Variants in EYS observed in about 807,000 individuals in gnomAD.
The protein encoded by EYS is protein eyes shut homolog.
Under a neutral mutation model 282.1 loss-of-function variants are expected in EYS, and 250 were observed. That is an observed-to-expected ratio of 0.89 (90% CI 0.80 to 0.98). EYS has a LOEUF of 0.98. Ranked by LOEUF, EYS falls within the 50% of genes least tolerant of loss-of-function variation. EYS has a pLI of 0.00. For synonymous variants in EYS, 1,355 were observed against 1,282.9 expected, an observed-to-expected ratio of 1.06 and a Z score of -1.20; for missense variants, 4,016 against 3,709.0, an observed-to-expected ratio of 1.08 and a Z score of -2.15.
intron 33 of EYS, among the ~76,000 whole-genome samples, chr6:64,059,129 C>CA (rs1771079739): frequency 6.6e-6 from 1 of 152,146 alleles, no homozygotes; most frequent in African/African-American, 2.4e-5. Flanking sequence ...GATCCTCTTT[C>CA]ATCTGTTGTC....
At chr6:63,918,937 A>T (rs1176963975) in intron 35 of EYS, among the ~76,000 whole-genome samples, 1 of 152,176 alleles carries the variant, frequency 6.6e-6, no homozygotes, top group Non-Finnish European at 1.5e-5. Flanking sequence ...AGTCCAATAC[A>T]TTTGCAAGAA....
rs1018249740 is a variant in EYS, at chr6:65,559,998, G to T, written c.-332-64005C>A. On this transcript the variant is annotated intron_variant, in intron 2 of 42. Transcript: ENST00000503581. ...CACTTTGAAGACATTTTTTTCAAAGGATATTAAAGAATGTATTTCAGTTTT... is the reference window on the plus strand; with the variant it reads ...CACTTTGAAGACATTTTTTTCAAAGTATATTAAAGAATGTATTTCAGTTTT... Among the ~76,000 whole-genome samples, 13 of 150,044 alleles carry T rather than the reference G, an allele frequency of 8.7e-5. No individual in the cohort carries two copies. In the East Asian group the frequency reaches 2.4e-3, roughly 28 times the overall value.
intron 2 of EYS, among the ~76,000 whole-genome samples, chr6:65,515,468 G>T (rs1252507903): frequency 2.0e-5 from 3 of 151,016 alleles, no homozygotes; most frequent in African/African-American, 4.8e-5. Flanking sequence ...TATAAATCAT[G>T]CTGCTATAAA....
intron 19 of EYS, among the ~76,000 whole-genome samples, chr6:64,855,328 A>G (rs1766023250): frequency 6.6e-6 from 1 of 152,072 alleles, no homozygotes; most frequent in African/African-American, 2.4e-5. Context: ...AACTCCATTC[A>G]TATTTATGAT....
chr6:65,154,350 T>A (rs1460080063), intron 12 of EYS, among the ~76,000 whole-genome samples: 1 of 148,836 alleles, frequency 6.7e-6, no homozygotes, highest in Non-Finnish European at 1.5e-5. Context: ...AAGAAAGGAG[T>A]GAGAAATGAA....
intron 24 of EYS, 22 bp downstream of exon 24, chr6:64,617,390 TACAACC>T (rs1406485014): frequency 1.4e-6 from 2 of 1,399,620 alleles, no homozygotes; most frequent in Non-Finnish European, 9.9e-7. Context: ...AAAAAATTAT[TACAACC>T]ACAACCACCA....
At chr6:65,406,944 G>T (rs887002339) in intron 5 of EYS, among the ~76,000 whole-genome samples, 1 of 152,044 alleles carries the variant, frequency 6.6e-6, no homozygotes, top group Non-Finnish European at 1.5e-5. Context: ...CTATGCTATG[G>T]ATTCTTTTTA....
intron 22 of EYS, among the ~76,000 whole-genome samples, chr6:64,689,081 C>A (rs923679523): frequency 6.6e-6 from 1 of 152,196 alleles, no homozygotes; most frequent in Non-Finnish European, 1.5e-5. Flanking sequence ...CCCATCGTCT[C>A]AGCCCAAAAT....
chr6:64,008,253 T>C (rs1439834140), intron 33 of EYS, among the ~76,000 whole-genome samples: 1 of 152,186 alleles, frequency 6.6e-6, no homozygotes, highest in Non-Finnish European at 1.5e-5. Context: ...TTTTTGATCA[T>C]TATTGGCTTG....
intron 12 of EYS, among the ~76,000 whole-genome samples, chr6:65,229,498 A>G (rs1766714376): frequency 6.6e-6 from 1 of 151,796 alleles, no homozygotes; most frequent in South Asian, 2.1e-4. Context: ...AATAACATGT[A>G]CTATTAATAA....
intron 29 of EYS, among the ~76,000 whole-genome samples, chr6:64,325,083 C>A (rs1236702379): frequency 1.3e-5 from 2 of 152,178 alleles, no homozygotes; most frequent in East Asian, 3.9e-4. Flanking sequence ...CAAAGTCATT[C>A]TTCACAGCAT....
intron 5 of EYS, among the ~76,000 whole-genome samples, chr6:65,408,513 ATGT>A (rs1766848613): frequency 6.6e-6 from 1 of 152,068 alleles, no homozygotes; most frequent in Admixed American, 6.6e-5. Flanking sequence ...TGTTGGCCTA[ATGT>A]TGTTCATAAT....
chr6:63,913,363 A>G (rs1764326571), intron 35 of EYS, among the ~76,000 whole-genome samples: 1 of 152,250 alleles, frequency 6.6e-6, no homozygotes, highest in South Asian at 2.1e-4. Flanking sequence ...ATACAATAAA[A>G]TTCACTCATT....
intron 36 of EYS, among the ~76,000 whole-genome samples, chr6:63,839,663 T>C (rs1175491106): frequency 6.6e-6 from 1 of 152,118 alleles, no homozygotes; most frequent in Non-Finnish European, 1.5e-5. Context: ...TTATTGTAAG[T>C]AGTGCTCCAG....
At chr6:64,470,759 C>A (rs1033161938) in intron 26 of EYS, among the ~76,000 whole-genome samples, 1 of 151,990 alleles carries the variant, frequency 6.6e-6, no homozygotes, top group African/African-American at 2.4e-5. Flanking sequence ...GAAGATAAGT[C>A]TTTTATGCTA....
rs1582429733 is a variant in EYS, at chr6:64,208,934, A to C, written c.6424+21658T>G. Among the ~76,000 whole-genome samples the C allele has an allele frequency of 2.0e-5, 3 of 152,272 alleles. No individual in the cohort carries two copies. In the East Asian group the frequency reaches 5.8e-4, roughly 29 times the overall value. On this transcript the variant is annotated intron_variant, in intron 31 of 42. Transcript: ENST00000503581. ...TAAAAGCATGACTAAATTGATTAATAGATACTAATGTTCTCTTGCAATGAA... is the reference window on the plus strand; with the variant it reads ...TAAAAGCATGACTAAATTGATTAATCGATACTAATGTTCTCTTGCAATGAA...
At chr6:64,221,709 C>T (rs988815924) in intron 31 of EYS, among the ~76,000 whole-genome samples, 1 of 152,108 alleles carries the variant, frequency 6.6e-6, no homozygotes, top group African/African-American at 2.4e-5. Flanking sequence ...GCACACCTTT[C>T]TGAGTACCGT....
chr6:64,900,925 T>C lies in EYS; in HGVS notation c.2846+1188A>G, dbSNP rs201177342. On this transcript the variant is annotated intron_variant, in intron 18 of 42. Transcript: ENST00000503581. ...CAAAGGATTATAAATCATTCTACTA[T>C]AAAGACACATGCACACGCATGTTTA... is the stretch of plus-strand genomic sequence containing the variant. Among the ~76,000 whole-genome samples, 12 of 151,944 alleles carry C rather than the reference T, an allele frequency of 7.9e-5. No homozygotes were observed. In the East Asian group the frequency reaches 1.7e-3, roughly 22 times the overall value.
chr6:65,425,527 C>T (rs1767626035), intron 5 of EYS, among the ~76,000 whole-genome samples: 1 of 152,022 alleles, frequency 6.6e-6, no homozygotes, highest in Non-Finnish European at 1.5e-5. Flanking sequence ...GGGAGGCTAT[C>T]TTGCTTTATA....
Sources: allele counts gnomAD v4.1 joint callset (sites outside exome capture counted in the v4.1 genomes callset), GRCh38; gene constraint gnomAD v4.1.1; transcripts MANE v1.5; gene names NCBI Gene and HGNC (gene_info 2026-07-23, HGNC 2026-07-21).